IL1RL2: variants seen among roughly 807,000 people sequenced by gnomAD.
The protein encoded by IL1RL2 is interleukin-1 receptor-like 2.
A neutral mutation model predicts 66.8 loss-of-function variants in IL1RL2; 68 were observed. The ratio of observed to expected loss-of-function variants is 1.02; its 90% CI spans 0.84 to 1.25. The LOEUF is 1.25. IL1RL2 is among the 50% of genes most tolerant of loss of function. The pLI is 0.00. For synonymous variants in IL1RL2, 305 were observed against 264.6 expected (o/e 1.15, Z -1.48); for missense variants, 729 against 709.3 (o/e 1.03, Z -0.32).
rs371113814 is a variant in IL1RL2, at chr2:102,233,058, G to A, written c.1231G>A (p.Glu411Lys). The A allele has an allele frequency of 1.2e-5, 19 of 1,614,048 alleles. No individual in the cohort carries two copies. The highest frequency in any genetic ancestry group is 4.5e-5 in the East Asian group (2 of 44,898). Residue 411 changes from glutamate to lysine, a missense_variant, in exon 10 of 12, where the codon GAG (glutamate) becomes AAG (lysine). Coordinates refer to ENST00000264257, the MANE Select transcript of IL1RL2 (RefSeq NM_003854.4). ...TGCCCTGGTGTTGAATATCCTGCCC[G>A]AGGTGTTGGAGAGACAATGTGGATA... ...VDALVLNILP[E>K]VLERQCGYKL...
At chr2:102,191,580 T>TAATAC in intron 3 of IL1RL2, among the ~76,000 whole-genome samples, 1 of 152,144 alleles carries the variant, frequency 6.6e-6, no homozygotes, top group Non-Finnish European at 1.5e-5. Flanking sequence ...TTCATTGGGG[T>TAATAC]TTGTCAGGTA....
At chr2:102,195,875 G>T (rs991320790) in intron 4 of IL1RL2, among the ~76,000 whole-genome samples, 1 of 151,226 alleles carries the variant, frequency 6.6e-6, no homozygotes, top group Non-Finnish European at 1.5e-5. Flanking sequence ...CACTATGACT[G>T]GCTAATTTTT....
At chr2:102,211,950 T>C (rs1689206817) in intron 5 of IL1RL2, 150 bp from the exon 6 acceptor site, 1 of 514,750 alleles carries the variant, frequency 1.9e-6, no homozygotes, top group African/African-American at 1.9e-5. Flanking sequence ...ATTCAGTTAC[T>C]TCTGGTTGAA....
rs1559565849 is a variant in IL1RL2 at position 102,234,932 on chromosome 2, T to C, written c.1333T>C (p.Cys445Arg). 6.2e-7 allele frequency: 1 copy of C among 1,614,110 alleles called. No homozygotes were observed. Among genetic ancestry groups the C allele is most frequent in the Non-Finnish European group, 8.5e-7 (1 of 1,180,042 alleles). ...ANVIDENVKL[C>R]RRLIVIVVPE... ...TGTCATCGATGAAAACGTTAAGCTG[T>C]GCAGGAGGCTGATTGTCATTGTGGT... Residue 445 changes from cysteine (C) to arginine (R), a missense_variant, in exon 11 of 12, where the codon TGC becomes CGC. Coordinates refer to ENST00000264257, the MANE Select transcript of IL1RL2 (RefSeq NM_003854.4).
At chr2:102,204,618 A>G (rs1227000230) in intron 5 of IL1RL2, among the ~76,000 whole-genome samples, 1 of 151,134 alleles carries the variant, frequency 6.6e-6, no homozygotes, top group African/African-American at 2.4e-5. Flanking sequence ...TTACATAGTG[A>G]CTTGCTTTGT....
At chr2:102,226,304 C>A (rs1690606153) in intron 9 of IL1RL2, among the ~76,000 whole-genome samples, 1 of 152,176 alleles carries the variant, frequency 6.6e-6, no homozygotes, top group African/African-American at 2.4e-5. Flanking sequence ...AGTCCTGCTG[C>A]AACCATGTTA....
chr2:102,206,966 C>G lies in IL1RL2; in HGVS notation c.650-5134C>G, dbSNP rs568994627. The stretch of plus-strand genomic sequence containing the variant: ...TGGCAGTCAAACCACAAGACGTAGT[C>G]CTTCCCACTCTTCCCTCCCCTTTCC... On this transcript the variant is annotated intron_variant, in intron 5 of 11. Coordinates refer to ENST00000264257, the MANE Select transcript of IL1RL2 (RefSeq NM_003854.4). 5.3e-5 allele frequency among the ~76,000 whole-genome samples: 8 copies of G among 152,294 alleles called. No individual in the cohort carries two copies. The East Asian group carries it at 1.4e-3, about 26-fold the overall frequency.
intron 4 of IL1RL2, among the ~76,000 whole-genome samples, chr2:102,197,739 T>C (rs1687908419): frequency 6.6e-6 from 1 of 152,226 alleles, no homozygotes; most frequent in African/African-American, 2.4e-5. Context: ...CATTGAAGTG[T>C]CCAGTCTCCA....
In IL1RL2 at chr2:102,192,084, G is replaced by A. The variant is rs754525406; in HGVS notation, c.453G>A (p.Pro151=). Residue 151 remains proline (P), a synonymous_variant, in exon 4 of 12, where the codon CCG becomes CCA. Transcript: ENST00000264257. ...GTCTCACATGTCATCTGCACTTCCC[G>A]AAGAGTTGTGTTTTGGGTCCAATAA... ...DDSLTCHLHF[P]KSCVLGPIKW... is the part of the protein sequence containing the mutation. 1.6e-5 allele frequency: 25 copies of A among 1,599,636 alleles called. No homozygotes were observed. Among genetic ancestry groups the A allele is most frequent in the East Asian group, 9.1e-5 (4 of 43,900 alleles).
At position 102,201,550 on chromosome 2, in the gene IL1RL2, T is replaced by G. The variant is rs1168273397; in HGVS notation, c.490-6T>G. On this transcript the variant is annotated splice_polypyrimidine_tract_variant and splice_region_variant and intron_variant, in intron 4 of 11. Transcript: ENST00000264257. ...TTGAATTGAATTTTGTTTTTATTTGTATTAGGACTGTAACGAGATTAAAGG... is the reference window on the plus strand; with the variant it reads ...TTGAATTGAATTTTGTTTTTATTTGGATTAGGACTGTAACGAGATTAAAGG... The G allele has an allele frequency of 6.2e-7, 1 of 1,613,584 alleles. No individual in the cohort carries two copies. The highest frequency in any genetic ancestry group is 8.5e-7 in the Non-Finnish European group (1 of 1,179,706).
chr2:102,210,984 G>A (rs1353932011), intron 5 of IL1RL2, among the ~76,000 whole-genome samples: 2 of 151,186 alleles, frequency 1.3e-5, no homozygotes, highest in Admixed American at 1.3e-4. Context: ...GAAATGAGGA[G>A]GCAAAAGTAG....
chr2:102,234,560 G>A (rs936225789), intron 10 of IL1RL2, among the ~76,000 whole-genome samples: 13 of 152,190 alleles, frequency 8.5e-5, no homozygotes, highest in African/African-American at 3.1e-4. Flanking sequence ...TTGAGAGGCC[G>A]AGGTGGGCAG....
chr2:102,193,534 G>A (rs1687412195), intron 4 of IL1RL2, among the ~76,000 whole-genome samples: 2 of 152,014 alleles, frequency 1.3e-5, no homozygotes, highest in African/African-American at 4.8e-5. Flanking sequence ...TAAATTTTTT[G>A]TGTGACAGAA....
In IL1RL2 at chr2:102,226,043, T is replaced by A. The variant is rs1244029853; in HGVS notation, c.1135+2T>A. 6.3e-7 allele frequency: 1 copy of A among 1,578,066 alleles called. No individual in the cohort carries two copies. The highest frequency in any genetic ancestry group is 8.6e-7 in the Non-Finnish European group (1 of 1,164,826). On this transcript the variant is annotated splice_donor_variant, in intron 9 of 11. Transcript: ENST00000264257. LOFTEE classifies it high-confidence loss of function. The stretch of plus-strand genomic sequence containing the variant: ...TCCATTCTACAGAGACCATAGTAGG[T>A]AAGTGTGTGTAATCACTGAAAAATG...
intron 3 of IL1RL2, among the ~76,000 whole-genome samples, chr2:102,189,649 G>A (rs1185059026): frequency 1.3e-5 from 2 of 151,502 alleles, no homozygotes; most frequent in African/African-American, 2.4e-5. Flanking sequence ...ATGGAGTCTC[G>A]CTCCGTCACC....
chr2:102,195,603 TTC>T lies in IL1RL2; in HGVS notation c.489+3485_489+3486del, dbSNP rs1296881411. Among the ~76,000 whole-genome samples the T allele has an allele frequency of 5.6e-4, 10 of 17,776 alleles. 1 individual carries two copies. Among genetic ancestry groups the T allele is most frequent in the African/African-American group, 1.6e-3 (10 of 6,316 alleles). 11.7% of individuals were successfully genotyped at this position (17,776 alleles called of 152,430 possible). A position where few individuals can be genotyped will look rare whatever the true frequency, so the allele number is the denominator to read the frequency against. ...TTTCTTTCTTTCTTTCTTTCTTTCT[TTC>T]TTTCTTTCTTTCTTTCTTTCTTTCT... is the stretch of plus-strand genomic sequence containing the variant. On this transcript the variant is annotated intron_variant, in intron 4 of 11. Transcript: ENST00000264257.
At chr2:102,223,497 A>T (rs1388519928) in intron 8 of IL1RL2, among the ~76,000 whole-genome samples, 2 of 152,224 alleles carry the variant, frequency 1.3e-5, no homozygotes, top group African/African-American at 2.4e-5. Context: ...CATCTAGTAC[A>T]TCAACAGTGG....
chr2:102,208,443 A>G (rs1688884052), intron 5 of IL1RL2, among the ~76,000 whole-genome samples: 7 of 152,390 alleles, frequency 4.6e-5, no homozygotes, highest in Admixed American at 3.9e-4. Flanking sequence ...TGGTTTTTCC[A>G]AACACACTGG....
Position 102,189,326 on chromosome 2 carries a change from A to T in IL1RL2, c.293+16A>T. The stretch of plus-strand genomic sequence containing the variant: ...GTGTTATAAAGTAAGTTCCTAATTT[A>T]AAATAGAACTAACTCGTGTGTGTAT... On this transcript the variant is annotated intron_variant, in intron 3 of 11. Coordinates refer to ENST00000264257, the MANE Select transcript of IL1RL2 (RefSeq NM_003854.4). The T allele has an allele frequency of 6.8e-7, 1 of 1,475,126 alleles. No homozygotes were observed. Among genetic ancestry groups the T allele is most frequent in the Non-Finnish European group, 9.4e-7 (1 of 1,066,754 alleles). The allele number at this position is 1,475,126 out of a possible 1,614,324, so 91.4% of individuals were successfully genotyped here.
Sources: gnomAD v4.1 joint callset for allele counts (sites outside exome capture counted in the v4.1 genomes callset) on GRCh38, gnomAD v4.1.1 for gene constraint, MANE v1.5 for transcripts, NCBI Gene and HGNC (gene_info 2026-07-23, HGNC 2026-07-21) for gene names.